The following JAM2 variants were observed in gnomAD, a reference collection of about 807,000 sequenced individuals.
JAM2 encodes junctional adhesion molecule B.
In JAM2, 17 loss-of-function variants were observed where a neutral mutation model predicts 42.0. The ratio of observed to expected loss-of-function variants is 0.40; its 90% CI spans 0.28 to 0.61. The LOEUF is 0.61. Among genes scored for constraint, JAM2 ranks in the 20% least tolerant of loss-of-function variants. The probability of loss-of-function intolerance (pLI) is 0.37; values close to 1 mark genes in which losing one functional copy is unlikely to be tolerated. For synonymous variants in JAM2, 118 were observed against 128.6 expected, an observed-to-expected ratio of 0.92 and a Z score of 0.56; for missense variants, 319 against 358.3, an observed-to-expected ratio of 0.89 and a Z score of 0.89.
At chr21:25,676,322 AC>A (rs1480933714) in intron 1 of JAM2, among the ~76,000 whole-genome samples, 2 of 151,146 alleles carry the variant, frequency 1.3e-5, no homozygotes, top group Non-Finnish European at 2.9e-5. Context: ...AAAAAAAAAA[AC>A]AACTTATGTA....
chr21:25,642,422 T>C (rs1457549109), intron 1 of JAM2, among the ~76,000 whole-genome samples: 1 of 152,210 alleles, frequency 6.6e-6, no homozygotes, highest in Admixed American at 6.5e-5. Flanking sequence ...TTAGTGGATT[T>C]CTTATGCTGT....
intron 4 of JAM2, among the ~76,000 whole-genome samples, chr21:25,695,830 G>C (rs1313237632): frequency 1.3e-5 from 2 of 150,730 alleles, no homozygotes; most frequent in East Asian, 3.9e-4. Flanking sequence ...ATCCCAGACC[G>C]GGCGGCGGGG....
chr21:25,681,807 C>A (rs138161179), intron 1 of JAM2, among the ~76,000 whole-genome samples: 2,421 of 152,114 alleles, frequency 0.016, 60 homozygotes, highest in African/African-American at 0.056. Flanking sequence ...ATGGTGAAAC[C>A]CTGTCTGTAC....
chr21:25,675,157 T>A (rs551992451), intron 1 of JAM2, among the ~76,000 whole-genome samples: 10 of 152,198 alleles, frequency 6.6e-5, no homozygotes, highest in Non-Finnish European at 1.5e-4. Context: ...GTGACAGGCA[T>A]CTCACATGGT....
intron 4 of JAM2, among the ~76,000 whole-genome samples, chr21:25,695,854 C>T (rs2034008468): frequency 1.3e-5 from 2 of 151,302 alleles, no homozygotes; most frequent in Non-Finnish European, 2.9e-5. Flanking sequence ...AGGCGCTTCC[C>T]ACATCTCAGA....
rs57234199 is a variant in JAM2, at chr21:25,644,866, T to TTTTGTTTGTTTGTTTG, written c.67+4990_67+5005dup. Among the ~76,000 whole-genome samples the TTTTGTTTGTTTGTTTG allele has an allele frequency of 5.4e-3, 815 of 151,430 alleles. 4 individuals carry two copies. The highest frequency in any genetic ancestry group is 0.016 in the South Asian group (76 of 4,760). ...GATATAAAGCTGGTTGGTTTTTTGG[T>TTTTGTTTGTTTGTTTG]TTTGTTTGTTTGTTTGTTTGTTTGT... On this transcript the variant is annotated intron_variant, in intron 1 of 9. Coordinates refer to ENST00000480456, the MANE Select transcript of JAM2 (RefSeq NM_021219.4).
chr21:25,687,314 A>G lies in JAM2; in HGVS notation c.134-2552A>G, dbSNP rs540947122. On this transcript the variant is annotated intron_variant, in intron 2 of 9. Transcript: ENST00000480456. ...TAAGATGAGTACTGTTCTTTTTATC[A>G]TTTTACAGATGTGGATATAATGTTC... Among the ~76,000 whole-genome samples, 27 of 152,294 alleles carry G rather than the reference A, an allele frequency of 1.8e-4. No homozygotes were observed. The East Asian group carries it at 5.2e-3, about 29-fold the overall frequency.
At chr21:25,653,304 C>G (rs916033805) in intron 1 of JAM2, among the ~76,000 whole-genome samples, 3 of 152,178 alleles carry the variant, frequency 2.0e-5, no homozygotes, top group Non-Finnish European at 2.9e-5. Flanking sequence ...AAATACCATT[C>G]CACACTAACA....
intron 1 of JAM2, among the ~76,000 whole-genome samples, chr21:25,657,497 T>C (rs540712709): frequency 1.3e-5 from 2 of 152,330 alleles, no homozygotes; most frequent in Admixed American, 1.3e-4. Context: ...ATAAGTTAAA[T>C]ATCCATGTGA....
At chr21:25,682,531 C>T (rs3958884) in intron 1 of JAM2, among the ~76,000 whole-genome samples, 4,296 of 152,330 alleles carry the variant, frequency 0.028, 96 homozygotes, top group Non-Finnish European at 0.044. Context: ...AGGGGAGGGG[C>T]AGCATGCAGA....
At chr21:25,644,024 G>C (rs1199443387) in intron 1 of JAM2, 4 of 152,190 alleles carry the variant, frequency 2.6e-5, no homozygotes, top group Admixed American at 2.6e-4. Context: ...TAGCAATATA[G>C]TAGTAACACT....
In JAM2 at chr21:25,639,576, C is replaced by G. The variant is rs967693806; in HGVS notation, c.-246C>G. 1.1e-5 allele frequency: 5 copies of G among 437,592 alleles called. No individual in the cohort carries two copies. The highest frequency in any genetic ancestry group is 8.2e-5 in the African/African-American group (4 of 48,672). 27.1% of individuals were successfully genotyped at this position (437,592 alleles called of 1,614,324 possible). The stretch of plus-strand genomic sequence containing the variant: ...GGTTTTCACGCCCTCTAGCCCCTAC[C>G]CCCACACCCCCAAAACAGAACAGAC... On this transcript the variant is annotated 5_prime_UTR_variant, in exon 1 of 10. Coordinates refer to ENST00000480456, the MANE Select transcript of JAM2 (RefSeq NM_021219.4).
chr21:25,686,759 T>C (rs2829866), intron 2 of JAM2, among the ~76,000 whole-genome samples: 1 of 152,064 alleles, frequency 6.6e-6, no homozygotes, highest in Non-Finnish European at 1.5e-5. Context: ...GTGTTATGTA[T>C]GATTTTGATG....
Position 25,714,771 on chromosome 21 carries a change from G to A in JAM2, c.*99G>A, listed in dbSNP as rs909793252. ...GTCCGACATTTGCAAAGAGGTACAC[G>A]AGGAAATGGAATTGGTATTTCATTT... On this transcript the variant is annotated 3_prime_UTR_variant, in exon 10 of 10. Coordinates refer to ENST00000480456, the MANE Select transcript of JAM2 (RefSeq NM_021219.4). 9 of 737,326 alleles carry A rather than the reference G, an allele frequency of 1.2e-5. No homozygotes were observed. Among genetic ancestry groups the A allele is most frequent in the Admixed American group, 5.9e-5 (2 of 33,934 alleles). 45.7% of individuals were successfully genotyped at this position (737,326 alleles called of 1,614,324 possible).
At chr21:25,669,086 G>C (rs2033293069) in intron 1 of JAM2, among the ~76,000 whole-genome samples, 1 of 152,128 alleles carries the variant, frequency 6.6e-6, no homozygotes, top group Non-Finnish European at 1.5e-5. Flanking sequence ...TAAAAAGGTA[G>C]GGGAGGCCAG....
chr21:25,685,524 C>CAAAAAAAAAAAAAAAAAAAAAAAATAAA (rs776114627), intron 2 of JAM2, among the ~76,000 whole-genome samples: 1 of 50,426 alleles, frequency 2.0e-5, no homozygotes, highest in African/African-American at 9.1e-5. Flanking sequence ...GAGAATGTCT[C>CAAAAAAAAAAAAAAAAAAAAAAAATAAA]AAAAAAAAAA....
At chr21:25,661,783 A>T (rs1030873938) in intron 1 of JAM2, among the ~76,000 whole-genome samples, 17 of 152,176 alleles carry the variant, frequency 1.1e-4, no homozygotes, top group African/African-American at 4.1e-4. Context: ...GTATTTCATC[A>T]CTGCACTAAA....
intron 1 of JAM2, among the ~76,000 whole-genome samples, chr21:25,676,286 CA>C (rs397958040): frequency 4.1e-3 from 251 of 61,246 alleles, no homozygotes; most frequent in African/African-American, 0.012. Flanking sequence ...AGACTCGTCT[CA>C]AAAAAAAAAA....
chr21:25,674,378 G>A (rs968776104), intron 1 of JAM2, among the ~76,000 whole-genome samples: 4 of 152,114 alleles, frequency 2.6e-5, no homozygotes, highest in African/African-American at 9.7e-5. Flanking sequence ...CTCGGTGACA[G>A]AGCGAGACTC....
Sources: gnomAD v4.1 joint callset for allele counts (sites outside exome capture counted in the v4.1 genomes callset) on GRCh38, gnomAD v4.1.1 for gene constraint, MANE v1.5 for transcripts, NCBI Gene and HGNC (gene_info 2026-07-23, HGNC 2026-07-21) for gene names.